Variants in MTHFD2L observed in about 807,000 individuals in gnomAD.
The protein encoded by MTHFD2L is bifunctional methylenetetrahydrofolate dehydrogenase/cyclohydrolase 2, mitochondrial.
Under a neutral mutation model 34.9 loss-of-function variants are expected in MTHFD2L, and 29 were observed. That is an observed-to-expected ratio of 0.83 (90% CI 0.62 to 1.13). The LOEUF is 1.13. MTHFD2L is among the 50% of genes most tolerant of loss of function. The pLI is 0.00. For synonymous variants in MTHFD2L, 167 were observed against 155.7 expected, an observed-to-expected ratio of 1.07 and a Z score of -0.54; for missense variants, 481 against 446.5, an observed-to-expected ratio of 1.08 and a Z score of -0.70.
chr4:74,236,628 A>G (rs1740877996), intron 6 of MTHFD2L, among the ~76,000 whole-genome samples: 1 of 152,278 alleles, frequency 6.6e-6, no homozygotes, highest in Non-Finnish European at 1.5e-5. Context: ...TCTCTAGCTC[A>G]GTCATGCCAG....
chr4:74,191,437 A>G (rs1487743536), intron 3 of MTHFD2L, among the ~76,000 whole-genome samples: 1 of 151,890 alleles, frequency 6.6e-6, no homozygotes, highest in African/African-American at 2.4e-5. Flanking sequence ...CCTTAAATTT[A>G]TGTTGGAGGA....
Position 74,248,512 on chromosome 4 carries a change from C to G in MTHFD2L, c.805+23118C>G, listed in dbSNP as rs368699821. Among the ~76,000 whole-genome samples, 5 of 149,176 alleles carry G rather than the reference C, an allele frequency of 3.4e-5. No homozygotes were observed. The East Asian group carries it at 9.9e-4, about 29-fold the overall frequency. ...CTGCTCTGATTTTAGTTATTTCTTG[C>G]CTTCTGCTAGCTTTTGAATGTGTTT... On this transcript the variant is annotated intron_variant, in intron 6 of 7. Coordinates refer to ENST00000325278, the MANE Select transcript of MTHFD2L (RefSeq NM_001144978.3).
rs138353495 is a variant in MTHFD2L at position 74,138,644 on chromosome 4, C to T, written c.-297+13127C>T. Among the ~76,000 whole-genome samples the T allele has an allele frequency of 5.8e-3, 884 of 152,194 alleles. 32 individuals are homozygous for T. Among genetic ancestry groups the T allele is most frequent in the Admixed American group, 0.05 (764 of 15,286 alleles). ...AGCGCAGCAGACACCCTGCTGGATCCGGAGGAGTGGAAGTCAATGGAGGGT... is the reference window on the plus strand; with the variant it reads ...AGCGCAGCAGACACCCTGCTGGATCTGGAGGAGTGGAAGTCAATGGAGGGT... On this transcript the variant is annotated intron_variant, in intron 1 of 7. Transcript: ENST00000433372.
Position 74,174,520 on chromosome 4 carries a change from T to C in MTHFD2L, c.158T>C (p.Ile53Thr). The C allele has an allele frequency of 6.4e-7, 1 of 1,555,854 alleles. No individual in the cohort carries two copies. Among genetic ancestry groups the C allele is most frequent in the Non-Finnish European group, 8.7e-7 (1 of 1,154,248 alleles). Residue 53 changes from isoleucine (I) to threonine (T), a missense_variant, in exon 2 of 8, where the codon ATT (isoleucine) becomes ACT (threonine). Ile to Thr is a moderately conservative substitution (Grantham distance 89). Transcript: ENST00000325278. ...RSSGVRHEAI[I>T]ISGTEMAKHI... ...GCTTTCCACAGACATGAAGCCATTA[T>C]TATATCAGGAACCGAAATGGCCAAG... is the stretch of plus-strand genomic sequence containing the variant.
chr4:74,175,324 G>C lies in MTHFD2L; in HGVS notation c.372G>C (p.Gln124His). The C allele has an allele frequency of 6.2e-7, 1 of 1,613,186 alleles. No individual in the cohort carries two copies. ...TTCTAAAACCTAAGGATGTTTCTCAGGAAGAACTTTTGGACGTAACTGATC... is the reference window on the plus strand; with the variant it reads ...TTCTAAAACCTAAGGATGTTTCTCACGAAGAACTTTTGGACGTAACTGATC... Reference protein sequence around the residue: ...ELILKPKDVSQEELLDVTDQL... With the variant: ...ELILKPKDVSHEELLDVTDQL... Residue 124 changes from glutamine to histidine, a missense_variant, in exon 3 of 8, where the codon CAG (glutamine) becomes CAC (histidine). Gln to His is a conservative substitution (Grantham distance 24). Coordinates refer to ENST00000325278, the MANE Select transcript of MTHFD2L (RefSeq NM_001144978.3).
chr4:74,224,344 T>A (rs1738797686), intron 5 of MTHFD2L, among the ~76,000 whole-genome samples: 1 of 152,180 alleles, frequency 6.6e-6, no homozygotes, highest in Non-Finnish European at 1.5e-5. Context: ...CGCATTTCTT[T>A]GCTGCCTTTC....
upstream of MTHFD2L, chr4:74,157,486 G>T (rs1560419384): frequency 2.7e-6 from 1 of 366,124 alleles, no homozygotes; most frequent in African/African-American, 2.1e-5. Flanking sequence ...CACAATGCAG[G>T]GTTCTTAGCC....
At chr4:74,274,914 G>A (rs1746419880) in intron 6 of MTHFD2L, among the ~76,000 whole-genome samples, 1 of 152,096 alleles carries the variant, frequency 6.6e-6, no homozygotes. Context: ...ATATTTATAA[G>A]ATGTTAGAGT....
chr4:74,146,055 A>G (rs1011752501), intron 1 of MTHFD2L, among the ~76,000 whole-genome samples: 1 of 152,206 alleles, frequency 6.6e-6, no homozygotes, highest in Non-Finnish European at 1.5e-5. Flanking sequence ...AAAGACACAT[A>G]TTTCATAGAA....
intron 6 of MTHFD2L, among the ~76,000 whole-genome samples, chr4:74,266,012 G>T (rs1031528426): frequency 4.6e-5 from 7 of 152,100 alleles, no homozygotes; most frequent in African/African-American, 1.4e-4. Flanking sequence ...TCTGATATTT[G>T]TATATCTGAT....
intron 7 of MTHFD2L, among the ~76,000 whole-genome samples, chr4:74,295,436 G>A (rs1749510217): frequency 6.6e-6 from 1 of 151,904 alleles, no homozygotes; most frequent in African/African-American, 2.4e-5. Flanking sequence ...TTCTCTTGAG[G>A]TACTCCCATA....
chr4:74,130,796 T>A (rs187345917), intron 1 of MTHFD2L, among the ~76,000 whole-genome samples: 1 of 152,312 alleles, frequency 6.6e-6, no homozygotes, highest in East Asian at 1.9e-4. Context: ...GGAGTCAAAT[T>A]GTCTCTATTT....
chr4:74,255,162 GAATT>G (rs1208121789), intron 6 of MTHFD2L, among the ~76,000 whole-genome samples: 4 of 74,808 alleles, frequency 5.3e-5, no homozygotes, highest in African/African-American at 1.0e-4. Flanking sequence ...AAAAAAAAAA[GAATT>G]AGTTAATGGG....
At position 74,233,870 on chromosome 4, in the gene MTHFD2L, A is replaced by G. The variant is rs774418643; in HGVS notation, c.805+8476A>G. Among the ~76,000 whole-genome samples the G allele has an allele frequency of 5.3e-5, 8 of 151,948 alleles. No individual in the cohort carries two copies. In the East Asian group the frequency reaches 9.7e-4, roughly 18 times the overall value. ...ATCTTTTCATCTCTAGGTTTTTTCA[A>G]TCTATGGTATTAGTACATGGTTAGC... On this transcript the variant is annotated intron_variant, in intron 6 of 7. Transcript: ENST00000325278.
chr4:74,223,045 A>G (rs1738486807), intron 5 of MTHFD2L, among the ~76,000 whole-genome samples: 1 of 152,120 alleles, frequency 6.6e-6, no homozygotes, highest in Non-Finnish European at 1.5e-5. Context: ...GAGACCTAAA[A>G]ACAGAGCTGC....
At chr4:74,168,041 A>G (rs913886556) in intron 1 of MTHFD2L, among the ~76,000 whole-genome samples, 4 of 152,144 alleles carry the variant, frequency 2.6e-5, no homozygotes, top group African/African-American at 9.7e-5. Context: ...CTTGTTTGTT[A>G]TACTACACTA....
chr4:74,181,764 A>G (rs1372597120), intron 3 of MTHFD2L: 1 of 152,174 alleles, frequency 6.6e-6, no homozygotes, highest in African/African-American at 2.4e-5. Flanking sequence ...AGAATGAACT[A>G]TAGGATTAAA....
At chr4:74,210,193 A>G (rs1387029776) in intron 5 of MTHFD2L, among the ~76,000 whole-genome samples, 1 of 152,126 alleles carries the variant, frequency 6.6e-6, no homozygotes, top group Non-Finnish European at 1.5e-5. Context: ...CTTTAGTTTA[A>G]TTACATCCCA....
chr4:74,215,101 G>A lies in MTHFD2L; in HGVS notation c.713-10201G>A, dbSNP rs534846225. On this transcript the variant is annotated intron_variant, in intron 5 of 7. Coordinates refer to ENST00000325278, the MANE Select transcript of MTHFD2L (RefSeq NM_001144978.3). ...CCGACTTCAGACTGCTATGCTGGCAGTGAGAATTTCAAGCTAGTGGGTCTT... is the reference window on the plus strand; with the variant it reads ...CCGACTTCAGACTGCTATGCTGGCAATGAGAATTTCAAGCTAGTGGGTCTT... Among the ~76,000 whole-genome samples, 51 of 151,924 alleles carry A rather than the reference G, an allele frequency of 3.4e-4. 1 individual carries two copies. The highest frequency in any genetic ancestry group is 5.9e-4 in the Non-Finnish European group (40 of 68,038).
Sources: gnomAD v4.1 joint callset for allele counts (sites outside exome capture counted in the v4.1 genomes callset) on GRCh38, gnomAD v4.1.1 for gene constraint, MANE v1.5 for transcripts, NCBI Gene and HGNC (gene_info 2026-07-23, HGNC 2026-07-21) for gene names.